TUSC3: variants seen among roughly 807,000 people sequenced by gnomAD.
The protein encoded by TUSC3 is dolichyl-diphosphooligosaccharide--protein glycosyltransferase subunit TUSC3.
TUSC3 carries 45 observed loss-of-function variants against 44.8 expected under a neutral mutation model. The observed-to-expected ratio is 1.00, with a 90% CI of 0.79 to 1.29. TUSC3 has a LOEUF of 1.29. Among genes scored for constraint, TUSC3 ranks in the 50% most tolerant of loss-of-function variants. The pLI is 0.00. For synonymous variants in TUSC3, 212 were observed against 152.9 expected, an observed-to-expected ratio of 1.39 and a Z score of -2.85; for missense variants, 519 against 437.9, an observed-to-expected ratio of 1.19 and a Z score of -1.65.
chr8:15,577,528 A>G (rs571860017), intron 1 of TUSC3, among the ~76,000 whole-genome samples: 3 of 150,278 alleles, frequency 2.0e-5, no homozygotes, highest in Non-Finnish European at 4.5e-5. Context: ...AGCTTTCTAC[A>G]TATGGCTAGC....
chr8:15,791,157 G>A, the TUSC3 span, among the ~76,000 whole-genome samples: 2 of 151,772 alleles, frequency 1.3e-5, no homozygotes, highest in African/African-American at 2.4e-5. Flanking sequence ...AATTACCTTC[G>A]CCAATTTGTC....
At chr8:15,687,228 C>G (rs917392321) in intron 6 of TUSC3, among the ~76,000 whole-genome samples, 8 of 152,066 alleles carry the variant, frequency 5.3e-5, no homozygotes, top group Non-Finnish European at 1.2e-4. Context: ...TTGTTAGGTA[C>G]TCTGTTTCCA....
At chr8:15,524,279 C>T (rs1366755105) in intron 2 of TUSC3, among the ~76,000 whole-genome samples, 1 of 151,822 alleles carries the variant, frequency 6.6e-6, no homozygotes, top group Non-Finnish European at 1.5e-5. Context: ...TAATATATTT[C>T]AATATATCTA....
At chr8:15,749,732 G>GTTTTTTTTT (rs71211080) in intron 9 of TUSC3, among the ~76,000 whole-genome samples, 1 of 140,386 alleles carries the variant, frequency 7.1e-6, no homozygotes, top group Non-Finnish European at 1.5e-5. Flanking sequence ...GAAAGATGAA[G>GTTTTTTTTT]TTTTTTTTTT....
intron 7 of TUSC3, among the ~76,000 whole-genome samples, chr8:15,740,789 G>C (rs373304558): frequency 6.6e-6 from 1 of 152,102 alleles, no homozygotes. Flanking sequence ...GTTATAGACC[G>C]TGGAGAAAAT....
intron 2 of TUSC3, among the ~76,000 whole-genome samples, chr8:15,514,905 A>T (rs559027258): frequency 6.6e-6 from 1 of 152,296 alleles, no homozygotes; most frequent in African/African-American, 2.4e-5. Context: ...ACTATATTTT[A>T]TAGTTGTGGT....
At chr8:15,528,893 C>A (rs1267709339) in intron 2 of TUSC3, among the ~76,000 whole-genome samples, 1 of 152,144 alleles carries the variant, frequency 6.6e-6, no homozygotes, top group African/African-American at 2.4e-5. Context: ...TGAACTTTGA[C>A]CTCAGAGCAT....
the TUSC3 span, among the ~76,000 whole-genome samples, chr8:15,778,398 G>A: frequency 1.3e-5 from 2 of 152,118 alleles, no homozygotes; most frequent in Admixed American, 1.3e-4. Flanking sequence ...AATATTAGTT[G>A]TTATTGACTA....
intron 7 of TUSC3, among the ~76,000 whole-genome samples, chr8:15,739,242 A>G (rs1811075801): frequency 6.6e-6 from 1 of 152,152 alleles, no homozygotes; most frequent in African/African-American, 2.4e-5. Flanking sequence ...ATTTTTCACT[A>G]TATAAATTAT....
At chr8:15,526,411 T>G (rs1801373543) in intron 2 of TUSC3, among the ~76,000 whole-genome samples, 1 of 151,992 alleles carries the variant, frequency 6.6e-6, no homozygotes, top group Non-Finnish European at 1.5e-5. Context: ...TGTGATATGA[T>G]TTTGCTGTGT....
the TUSC3 span, among the ~76,000 whole-genome samples, chr8:15,823,019 A>AT: frequency 6.6e-6 from 1 of 152,084 alleles, no homozygotes; most frequent in East Asian, 1.9e-4. Context: ...CCCATCAAAG[A>AT]TTTTTTTCTT....
At chr8:15,503,053 TA>T (rs1800990521) in intron 2 of TUSC3, among the ~76,000 whole-genome samples, 1 of 152,170 alleles carries the variant, frequency 6.6e-6, no homozygotes, top group Admixed American at 6.6e-5. Context: ...GTTACGGGTT[TA>T]TGTCCACTTT....
At chr8:15,704,654 TTTTCTC>T (rs1357506596) in intron 6 of TUSC3, among the ~76,000 whole-genome samples, 1 of 151,986 alleles carries the variant, frequency 6.6e-6, no homozygotes, top group Non-Finnish European at 1.5e-5. Flanking sequence ...TTCCTTTTCT[TTTTCTC>T]TTTCCTAACC....
intron 2 of TUSC3, among the ~76,000 whole-genome samples, chr8:15,484,443 T>G (rs1721100416): frequency 6.6e-6 from 1 of 152,242 alleles, no homozygotes; most frequent in South Asian, 2.1e-4. Flanking sequence ...CGCTTTTGTT[T>G]TCTTTACATG....
At chr8:15,675,613 A>C (rs1287503522) in intron 6 of TUSC3, among the ~76,000 whole-genome samples, 1 of 152,082 alleles carries the variant, frequency 6.6e-6, no homozygotes. Flanking sequence ...TCTACCCTCT[A>C]ATAGGCTGCA....
chr8:15,747,520 A>C (rs1389679210), intron 8 of TUSC3, among the ~76,000 whole-genome samples: 1 of 152,070 alleles, frequency 6.6e-6, no homozygotes, highest in Non-Finnish European at 1.5e-5. Flanking sequence ...AAATTTTATA[A>C]GCATGTTTAG....
At chr8:15,506,923 G>T (rs1260902791) in intron 2 of TUSC3, among the ~76,000 whole-genome samples, 13 of 152,168 alleles carry the variant, frequency 8.5e-5, no homozygotes, top group Non-Finnish European at 1.5e-5. Flanking sequence ...TTCCTGTCTT[G>T]GTCGGCTAGG....
At chr8:15,594,373 T>C (rs1318204228) in intron 1 of TUSC3, among the ~76,000 whole-genome samples, 10 of 152,228 alleles carry the variant, frequency 6.6e-5, no homozygotes, top group Non-Finnish European at 5.9e-5. Context: ...TCTGGGTTGG[T>C]TTTGATCGAT....
chr8:15,830,181 T>A, the TUSC3 span, among the ~76,000 whole-genome samples: 6 of 152,140 alleles, frequency 3.9e-5, no homozygotes, highest in South Asian at 2.1e-4. Flanking sequence ...TCTTCGCAGA[T>A]TCTGGATATT....
Sources: allele counts gnomAD v4.1 joint callset (sites outside exome capture counted in the v4.1 genomes callset), GRCh38; gene constraint gnomAD v4.1.1; transcripts MANE v1.5; gene names NCBI Gene and HGNC (gene_info 2026-07-23, HGNC 2026-07-21).